GNAQ: variants seen among roughly 807,000 people sequenced by gnomAD.
GNAQ encodes guanine nucleotide-binding protein G(q) subunit alpha.
GNAQ carries 8 observed loss-of-function variants against 43.9 expected under a neutral mutation model. That is an observed-to-expected ratio of 0.18 (90% CI 0.11 to 0.33). GNAQ has a LOEUF of 0.33. Ranked by LOEUF, GNAQ falls within the 10% of genes least tolerant of loss-of-function variation. GNAQ has a pLI of 1.00. For synonymous variants in GNAQ, 155 were observed against 170.7 expected, an observed-to-expected ratio of 0.91 and a Z score of 0.71; for missense variants, 158 against 450.8, an observed-to-expected ratio of 0.35 and a Z score of 5.88.
At chr9:77,986,321 T>G (rs1823435478) in intron 1 of GNAQ, among the ~76,000 whole-genome samples, 1 of 152,198 alleles carries the variant, frequency 6.6e-6, no homozygotes, top group Admixed American at 6.5e-5. Flanking sequence ...TTGTGCACCC[T>G]GGTCCAGATT....
At chr9:78,013,516 A>G (rs1823800568) in intron 1 of GNAQ, among the ~76,000 whole-genome samples, 2 of 144,740 alleles carry the variant, frequency 1.4e-5, no homozygotes, top group African/African-American at 5.2e-5. Context: ...TCCTGCGTCC[A>G]TGTGTTCTCA....
intron 1 of GNAQ, among the ~76,000 whole-genome samples, chr9:78,002,937 G>C (rs2118556965): frequency 6.6e-6 from 1 of 152,118 alleles, no homozygotes; most frequent in African/African-American, 2.4e-5. Flanking sequence ...AGATACACAG[G>C]AGGTCTCAAA....
At chr9:78,005,645 T>A (rs1823696236) in intron 1 of GNAQ, among the ~76,000 whole-genome samples, 1 of 152,112 alleles carries the variant, frequency 6.6e-6, no homozygotes, top group Non-Finnish European at 1.5e-5. Flanking sequence ...ACCAACACCA[T>A]CCCATGTGAT....
chr9:77,826,170 A>G (rs1278408733), intron 2 of GNAQ, among the ~76,000 whole-genome samples: 1 of 152,158 alleles, frequency 6.6e-6, no homozygotes, highest in African/African-American at 2.4e-5. Flanking sequence ...TATGAAAGTG[A>G]AAAATATTCT....
Position 77,721,134 on chromosome 9 carries a change from C to T in GNAQ, c.*189G>A. 2.1e-6 allele frequency: 1 copy of T among 487,354 alleles called. No homozygotes were observed. The highest frequency in any genetic ancestry group is 3.9e-5 in the South Asian group (1 of 25,614). 30.2% of individuals were successfully genotyped at this position (487,354 alleles called of 1,614,324 possible). A position where few individuals can be genotyped will look rare whatever the true frequency, so the allele number is the denominator to read the frequency against. On this transcript the variant is annotated 3_prime_UTR_variant, in exon 7 of 7. Coordinates refer to ENST00000286548, the MANE Select transcript of GNAQ (RefSeq NM_002072.5). ...TGCTGGGACTGTACTTCAGCATCCTCTGTTTTTCCTCTGAATAGTTTAAAT... is the reference window on the plus strand; with the variant it reads ...TGCTGGGACTGTACTTCAGCATCCTTTGTTTTTCCTCTGAATAGTTTAAAT...
At chr9:77,731,365 C>A (rs1475413814) in intron 5 of GNAQ, among the ~76,000 whole-genome samples, 1 of 152,174 alleles carries the variant, frequency 6.6e-6, no homozygotes, top group Non-Finnish European at 1.5e-5. Context: ...CAGGGTGCTG[C>A]CCATCTGCAC....
At chr9:77,828,348 C>T (rs1827240065) in intron 2 of GNAQ, among the ~76,000 whole-genome samples, 1 of 152,028 alleles carries the variant, frequency 6.6e-6, no homozygotes, top group African/African-American at 2.4e-5. Context: ...GAGTGTGTTG[C>T]CAGTAGACAC....
chr9:77,763,363 T>C (rs974922452), intron 5 of GNAQ, among the ~76,000 whole-genome samples: 1 of 152,214 alleles, frequency 6.6e-6, no homozygotes, highest in African/African-American at 2.4e-5. Flanking sequence ...TGGTGGCTCA[T>C]GCCTGTAATC....
chr9:77,839,006 G>A (rs1214168688), intron 2 of GNAQ, among the ~76,000 whole-genome samples: 8 of 152,122 alleles, frequency 5.3e-5, no homozygotes, highest in East Asian at 1.9e-4. Flanking sequence ...TAGTCATATG[G>A]TACCCTCTTC....
intron 2 of GNAQ, among the ~76,000 whole-genome samples, chr9:77,857,643 G>C (rs530272731): frequency 7.8e-6 from 1 of 127,642 alleles, no homozygotes; most frequent in East Asian, 2.6e-4. Context: ...AGGACGGAAA[G>C]GGGGGAAGGA....
chr9:77,768,069 C>A (rs538412215), intron 5 of GNAQ, among the ~76,000 whole-genome samples: 2 of 152,092 alleles, frequency 1.3e-5, no homozygotes, highest in Non-Finnish European at 2.9e-5. Context: ...TATATTGTTA[C>A]TGAATCTTTA....
At chr9:77,902,049 C>T (rs926602532) in intron 2 of GNAQ, among the ~76,000 whole-genome samples, 3 of 152,196 alleles carry the variant, frequency 2.0e-5, no homozygotes, top group Non-Finnish European at 2.9e-5. Flanking sequence ...TCTCAACATA[C>T]AAATTTTGAT....
chr9:77,837,410 C>T (rs563610406), intron 2 of GNAQ, among the ~76,000 whole-genome samples: 1 of 152,044 alleles, frequency 6.6e-6, no homozygotes, highest in South Asian at 2.1e-4. Flanking sequence ...AAAAATTAGC[C>T]GGGTGAGGTG....
chr9:77,871,337 T>C (rs1463282830), intron 2 of GNAQ, among the ~76,000 whole-genome samples: 1 of 152,146 alleles, frequency 6.6e-6, no homozygotes, highest in Non-Finnish European at 1.5e-5. Context: ...CAATTACTAC[T>C]CATTACTTAG....
intron 2 of GNAQ, among the ~76,000 whole-genome samples, chr9:77,915,347 A>T (rs1156747149): frequency 1.4e-4 from 21 of 151,676 alleles, no homozygotes; most frequent in Non-Finnish European, 1.5e-5. Flanking sequence ...TTATTTCTGT[A>T]CCTCTTTTAG....
At chr9:77,854,243 A>G (rs1460020254) in intron 2 of GNAQ, among the ~76,000 whole-genome samples, 1 of 152,226 alleles carries the variant, frequency 6.6e-6, no homozygotes, top group Admixed American at 6.5e-5. Flanking sequence ...ACTATTAAAG[A>G]TACAATGGCT....
chr9:77,829,066 C>A (rs1173710527), intron 2 of GNAQ, among the ~76,000 whole-genome samples: 5 of 152,112 alleles, frequency 3.3e-5, no homozygotes, highest in African/African-American at 1.2e-4. Context: ...TGGGGTGGGA[C>A]AAGAGCTGCT....
chr9:77,833,166 C>T (rs535552741), intron 2 of GNAQ, among the ~76,000 whole-genome samples: 56 of 152,148 alleles, frequency 3.7e-4, no homozygotes, highest in African/African-American at 1.2e-3. Context: ...CGGGGATTCA[C>T]CATGTTGGCC....
chr9:77,820,768 T>C (rs554186784), intron 2 of GNAQ, among the ~76,000 whole-genome samples: 3 of 152,286 alleles, frequency 2.0e-5, no homozygotes, highest in Admixed American at 6.5e-5. Flanking sequence ...CCAAATCAGG[T>C]ATCAATAATA....
Sources: gnomAD v4.1 joint callset for allele counts (sites outside exome capture counted in the v4.1 genomes callset) on GRCh38, gnomAD v4.1.1 for gene constraint, MANE v1.5 for transcripts, NCBI Gene and HGNC (gene_info 2026-07-23, HGNC 2026-07-21) for gene names.